Variants in HS1BP3 observed in about 807,000 individuals in gnomAD.
The protein encoded by HS1BP3 is HCLS1 binding protein 3, also known as HCLS1-binding protein 3.
A neutral mutation model predicts 33.5 loss-of-function variants in HS1BP3; 32 were observed. That is an observed-to-expected ratio of 0.95 (90% CI 0.72 to 1.28). The LOEUF is 1.28. HS1BP3 is among the 50% of genes most tolerant of loss of function. The pLI is 0.00. For missense variants in HS1BP3, 486 were observed against 502.3 expected, an observed-to-expected ratio of 0.97 and a Z score of 0.31; for synonymous variants, 187 against 209.2, an observed-to-expected ratio of 0.89 and a Z score of 0.92.
intron 5 of HS1BP3, among the ~76,000 whole-genome samples, chr2:20,563,744 T>G (rs567711041): frequency 1.2e-4 from 19 of 152,304 alleles, no homozygotes; most frequent in Non-Finnish European, 1.8e-4. Flanking sequence ...CCCTCCACCC[T>G]GGCAGTAGAA....
intron 2 of HS1BP3, among the ~76,000 whole-genome samples, chr2:20,599,092 A>G (rs1478256409): frequency 6.6e-6 from 1 of 152,258 alleles, no homozygotes; most frequent in Non-Finnish European, 1.5e-5. Context: ...GGGGGCCTGT[A>G]GCCTGCTGGA....
chr2:20,618,605 C>A lies in HS1BP3; in HGVS notation c.*382G>T. ...GCCCCAGTTTGGGTCTGTGCTGGGG[C>A]TGGCAGAACCCGTGGGCATGAAGCT... is the stretch of plus-strand genomic sequence containing the variant. On this transcript the variant is annotated 3_prime_UTR_variant, in exon 7 of 7. Coordinates refer to ENST00000304031, the MANE Select transcript of HS1BP3 (RefSeq NM_022460.4). 1 of 726,638 alleles carries A rather than the reference C, an allele frequency of 1.4e-6. No individual in the cohort carries two copies. Among genetic ancestry groups the A allele is most frequent in the Non-Finnish European group, 1.7e-6 (1 of 573,224 alleles). The allele number at this position is 726,638 out of a possible 1,614,324, so 45.0% of individuals were successfully genotyped here.
chr2:20,641,614 T>G (rs1051982791), intron 2 of HS1BP3, among the ~76,000 whole-genome samples: 1 of 152,182 alleles, frequency 6.6e-6, no homozygotes. Flanking sequence ...CGTGAACCAG[T>G]GTGGCCTTCG....
intron 3 of HS1BP3, among the ~76,000 whole-genome samples, chr2:20,593,503 C>G (rs1334111351): frequency 6.6e-6 from 1 of 152,160 alleles, no homozygotes; most frequent in Non-Finnish European, 1.5e-5. Context: ...CTGCCGGAAG[C>G]CTTTGTAGAC....
intron 5 of HS1BP3, among the ~76,000 whole-genome samples, chr2:20,570,346 C>T (rs143287540): frequency 4.1e-3 from 618 of 152,238 alleles, no homozygotes; most frequent in African/African-American, 7.1e-3. Flanking sequence ...AAATGATCGC[C>T]GTCAGGTTGC....
downstream of HS1BP3, among the ~76,000 whole-genome samples, chr2:20,591,505 T>C (rs977252624): frequency 1.3e-5 from 2 of 152,218 alleles, no homozygotes; most frequent in African/African-American, 2.4e-5. Context: ...GTGTTTATTG[T>C]CAAAGTTCTG....
chr2:20,629,934 A>G (rs980860326), intron 4 of HS1BP3, among the ~76,000 whole-genome samples: 37 of 152,304 alleles, frequency 2.4e-4, no homozygotes, highest in African/African-American at 7.9e-4. Context: ...AAGAGCATCC[A>G]CCACTCTGGC....
chr2:20,597,479 G>A (rs1693969389), intron 3 of HS1BP3, among the ~76,000 whole-genome samples: 1 of 152,104 alleles, frequency 6.6e-6, no homozygotes. Context: ...GGCGTTCTCA[G>A]CTCTAAGAAA....
Position 20,622,457 on chromosome 2 carries a change from GT to G in HS1BP3, c.920+1438del, listed in dbSNP as rs1694636240. 1.1e-5 allele frequency: 6 copies of G among 527,776 alleles called. 1 individual carries two copies. The highest frequency in any genetic ancestry group is 3.2e-5 in the South Asian group (2 of 62,510). The allele number at this position is 527,776 out of a possible 1,614,324, so 32.7% of individuals were successfully genotyped here. Reference sequence around the variant, plus strand: ...GCGGGATGCTAAGGGGCACCACAGAGTGGGGGGCCCAGGGATGAATGAGAAC... The same window carrying G: ...GCGGGATGCTAAGGGGCACCACAGAGGGGGGGCCCAGGGATGAATGAGAAC... On this transcript the variant is annotated intron_variant, in intron 6 of 6. Coordinates refer to ENST00000304031, the MANE Select transcript of HS1BP3 (RefSeq NM_022460.4).
intron 3 of HS1BP3, among the ~76,000 whole-genome samples, chr2:20,596,593 A>G (rs1421402553): frequency 6.6e-6 from 1 of 152,232 alleles, no homozygotes; most frequent in Non-Finnish European, 1.5e-5. Context: ...ACTGTGAGCT[A>G]TACATTGCTG....
chr2:20,626,601 C>T (rs1694792562), intron 4 of HS1BP3, among the ~76,000 whole-genome samples: 1 of 152,164 alleles, frequency 6.6e-6, no homozygotes, highest in Non-Finnish European at 1.5e-5. Context: ...GAGAAAGTGG[C>T]ATGTTTCAAG....
At chr2:20,591,447 A>G (rs1202570829), downstream of HS1BP3, among the ~76,000 whole-genome samples, 1 of 152,168 alleles carries the variant, frequency 6.6e-6, no homozygotes, top group Non-Finnish European at 1.5e-5. Context: ...AAGCACTCGG[A>G]TTCTGGGAGC....
chr2:20,607,675 G>T (rs1694226928), intron 2 of HS1BP3, among the ~76,000 whole-genome samples: 1 of 152,194 alleles, frequency 6.6e-6, no homozygotes, highest in Non-Finnish European at 1.5e-5. Context: ...TTTTGAAATT[G>T]GGAAGTATAA....
intron 5 of HS1BP3, 91 bp from the exon 6 acceptor site, chr2:20,624,122 C>T: frequency 7.0e-7 from 1 of 1,438,776 alleles, no homozygotes; most frequent in Non-Finnish European, 9.4e-7. Flanking sequence ...AGGAAGTCTT[C>T]TGGGCAGTCC....
chr2:20,598,965 G>A (rs988233384), intron 2 of HS1BP3, among the ~76,000 whole-genome samples: 1 of 152,136 alleles, frequency 6.6e-6, no homozygotes, highest in Non-Finnish European at 1.5e-5. Flanking sequence ...CCCTGACAAG[G>A]GGTCCCGGGA....
At chr2:20,604,824 G>A (rs1408061157) in intron 2 of HS1BP3, among the ~76,000 whole-genome samples, 3 of 152,086 alleles carry the variant, frequency 2.0e-5, no homozygotes, top group Admixed American at 6.5e-5. Flanking sequence ...ACTCTGCCAC[G>A]GAGTCTGGGT....
chr2:20,568,275 A>C (rs1693184270), intron 5 of HS1BP3, among the ~76,000 whole-genome samples: 1 of 152,080 alleles, frequency 6.6e-6, no homozygotes, highest in African/African-American at 2.4e-5. Flanking sequence ...GGAGGGCGGG[A>C]AGGAGTCCCG....
At chr2:20,580,379 C>T (rs1264042812) in intron 5 of HS1BP3, among the ~76,000 whole-genome samples, 11 of 152,072 alleles carry the variant, frequency 7.2e-5, no homozygotes, top group Admixed American at 2.0e-4. Flanking sequence ...ATTAGCCAGG[C>T]GTATCAGTGT....
intron 6 of HS1BP3, chr2:20,622,934 C>T (rs60569709): frequency 0.3 from 46,211 of 153,726 alleles, 7,468 homozygotes; most frequent in East Asian, 0.59. Context: ...TCTAATAGCC[C>T]GAGGCTGCTA....
Sources: allele counts gnomAD v4.1 joint callset (sites outside exome capture counted in the v4.1 genomes callset), GRCh38; gene constraint gnomAD v4.1.1; transcripts MANE v1.5; gene names NCBI Gene and HGNC (gene_info 2026-07-23, HGNC 2026-07-21).